Variants in SOX8 observed in about 807,000 individuals in gnomAD.
SOX8 encodes transcription factor SOX-8.
Under a neutral mutation model 22.9 loss-of-function variants are expected in SOX8, and 9 were observed. The ratio of observed to expected loss-of-function variants is 0.39; its 90% CI spans 0.24 to 0.69. SOX8 has a LOEUF of 0.69. SOX8 is among the 30% of genes least tolerant of loss of function. The probability of loss-of-function intolerance (pLI) is 0.43; values close to 1 mark genes in which losing one functional copy is unlikely to be tolerated. For synonymous variants in SOX8, 416 were observed against 330.6 expected (o/e 1.26, Z -2.80); for missense variants, 734 against 699.4 (o/e 1.05, Z -0.56).
Position 981,796 on chromosome 16 carries a change from G to GCGCTCAAAGCCAAGCCGCATGTGAA in SOX8, c.-127_-126insCGCTCAAAGCCAAGCCGCATGTGAA. On this transcript the variant is annotated 5_prime_UTR_variant, in exon 1 of 3. It adds an upstream start codon to the 5' untranslated region. Transcript: ENST00000293894. ...GGACCCGAGCCTCGGCGGCGGCGGC[G>GCGCTCAAAGCCAAGCCGCATGTGAA]GCGGCGGCAGGGGCGAGGGTCGGGG... The GCGCTCAAAGCCAAGCCGCATGTGAA allele has an allele frequency of 2.8e-6, 1 of 361,944 alleles. No individual in the cohort carries two copies. The highest frequency in any genetic ancestry group is 3.9e-6 in the Non-Finnish European group (1 of 258,040). 22.4% of individuals were successfully genotyped at this position (361,944 alleles called of 1,614,324 possible).
At position 983,815 on chromosome 16, in the gene SOX8, G is replaced by A. The variant is rs150444793; in HGVS notation, c.510G>A (p.Lys170=). The change falls in exon 2 of 3, where the codon AAG becomes AAA. Residue 170 remains lysine (K), a synonymous_variant. Transcript: ENST00000293894. The part of the protein sequence containing the change: ...VQHKKDHPDY[K]YQPRRRKSAK... ...ACAAGAAGGACCACCCCGACTACAA[G>A]TACCAGCCACGGCGCAGGAAGAGCG... 51 of 1,612,838 alleles carry A rather than the reference G, an allele frequency of 3.2e-5. No individual in the cohort carries two copies. Among genetic ancestry groups the A allele is most frequent in the Admixed American group, 1.0e-4 (6 of 60,020 alleles).
rs750230450 is a variant in SOX8, at chr16:982,039, C to T, written c.117C>T (p.Ser39=). Residue 39 remains serine, a synonymous_variant, in exon 1 of 3, where the codon TCC becomes TCT. Coordinates refer to ENST00000293894, the MANE Select transcript of SOX8 (RefSeq NM_014587.5). ...DSDAPPSPAG[S]EGLGRAGVAV... is the part of the protein sequence containing the mutation. ...ACGCGCCGCCGTCTCCCGCCGGCTCCGAGGGCCTGGGCCGCGCGGGGGTCG... is the reference window on the plus strand; with the variant it reads ...ACGCGCCGCCGTCTCCCGCCGGCTCTGAGGGCCTGGGCCGCGCGGGGGTCG... The T allele has an allele frequency of 4.4e-6, 6 of 1,367,530 alleles. No individual in the cohort carries two copies. The highest frequency in any genetic ancestry group is 5.6e-6 in the Non-Finnish European group (6 of 1,062,654). The allele number at this position is 1,367,530 out of a possible 1,614,324, so 84.7% of individuals were successfully genotyped here.
Position 984,819 on chromosome 16 carries a change from C to T in SOX8, c.774C>T (p.Asn258=), listed in dbSNP as rs1413303883. The change falls in exon 3 of 3, where the codon AAC becomes AAT. Residue 258 remains asparagine (N), a synonymous_variant. Transcript: ENST00000293894. ...GRRPVDSGRQ[N]IDFSNVDISE... ...GGCCGGTGGACAGCGGGCGCCAGAA[C>T]ATCGACTTCAGCAACGTGGACATCT... The T allele has an allele frequency of 2.5e-6, 4 of 1,612,166 alleles. No individual in the cohort carries two copies. Among genetic ancestry groups the T allele is most frequent in the Non-Finnish European group, 3.4e-6 (4 of 1,179,564 alleles).
chr16:982,566 C>T, intron 1 of SOX8: 1 of 444,512 alleles, frequency 2.2e-6, no homozygotes, highest in Admixed American at 4.5e-5. Flanking sequence ...CCGCGGAGGG[C>T]AGCGCCTGGG....
Position 983,856 on chromosome 16 carries a change from G to A in SOX8, c.551G>A (p.Ser184Asn). 1 of 1,612,588 alleles carries A rather than the reference G, an allele frequency of 6.2e-7. No individual in the cohort carries two copies. The highest frequency in any genetic ancestry group is 8.5e-7 in the Non-Finnish European group (1 of 1,179,702). ...RRRKSAKAGH[S>N]DSDSGAELGP... is the part of the protein sequence containing the mutation. ...AGGAAGAGCGCCAAAGCCGGCCACAGCGACTCCGACTCGGGCGCGGAGCTG... is the reference window on the plus strand; with the variant it reads ...AGGAAGAGCGCCAAAGCCGGCCACAACGACTCCGACTCGGGCGCGGAGCTG... Residue 184 changes from serine to asparagine, a missense_variant, in exon 2 of 3, where the codon AGC (serine) becomes AAC (asparagine). Transcript: ENST00000293894.
At position 985,099 on chromosome 16, in the gene SOX8, C is replaced by A. The variant is rs372787066; in HGVS notation, c.1054C>A (p.Pro352Thr). The change falls in exon 3 of 3, where the codon CCC (proline) becomes ACC (threonine). Residue 352 changes from proline to threonine, a missense_variant. By Grantham distance (38) the Pro-to-Thr change is conservative. Coordinates refer to ENST00000293894, the MANE Select transcript of SOX8 (RefSeq NM_014587.5). ...GAGCCCCGGCCACTACGGCGACCAG[C>A]CCCGAGGCTCGCCCGACTACGGTTC... The part of the protein sequence containing the change: ...QPSPGHYGDQ[P>T]RGSPDYGSCS... 3.0e-5 allele frequency: 48 copies of A among 1,592,352 alleles called. No individual in the cohort carries two copies. In the African/African-American group the frequency reaches 5.9e-4, roughly 20 times the overall value.
rs1001106016 is a variant in SOX8 at position 985,425 on chromosome 16, G to A, written c.*39G>A. The A allele has an allele frequency of 1.4e-6, 2 of 1,458,274 alleles. No homozygotes were observed. The highest frequency in any genetic ancestry group is 2.2e-5 in the Admixed American group (1 of 46,500). The allele number at this position is 1,458,274 out of a possible 1,614,324, so 90.3% of individuals were successfully genotyped here. A position where few individuals can be genotyped will look rare whatever the true frequency, so the allele number is the denominator to read the frequency against. On this transcript the variant is annotated 3_prime_UTR_variant, in exon 3 of 3. Coordinates refer to ENST00000293894, the MANE Select transcript of SOX8 (RefSeq NM_014587.5). Reference sequence around the variant, plus strand: ...GGGAGGGACTCGCAGGCGTCAGGGGGCAGCCTTGTCCCGGCCCAGTGTGTG... The same window carrying A: ...GGGAGGGACTCGCAGGCGTCAGGGGACAGCCTTGTCCCGGCCCAGTGTGTG...
At position 986,716 on chromosome 16, in the gene SOX8, C is replaced by T. The variant is rs772661126; in HGVS notation, c.*1330C>T. On this transcript the variant is annotated 3_prime_UTR_variant, in exon 3 of 3. Transcript: ENST00000293894. ...CCTTTAAACTTTGTAAACTTAAACA[C>T]AGCCGAGAAGTTGCTTCTTTGTACT... 5.3e-5 allele frequency: 8 copies of T among 151,858 alleles called. No individual in the cohort carries two copies. Among genetic ancestry groups the T allele is most frequent in the African/African-American group, 9.7e-5 (4 of 41,274 alleles). The allele number at this position is 151,858 out of a possible 1,614,324, so 9.4% of individuals were successfully genotyped here.
rs1388968870 is a variant in SOX8 at position 985,517 on chromosome 16, G to C, written c.*131G>C. 6 of 745,400 alleles carry C rather than the reference G, an allele frequency of 8.0e-6. No individual in the cohort carries two copies. The highest frequency in any genetic ancestry group is 1.2e-5 in the Non-Finnish European group (6 of 484,016). 46.2% of individuals were successfully genotyped at this position (745,400 alleles called of 1,614,324 possible). A position where few individuals can be genotyped will look rare whatever the true frequency, so the allele number is the denominator to read the frequency against. ...CCTGCTGAAGTCTGCAGGGAAACAC[G>C]CTTGCTGCCCGTGGCCCTCGGCCTC... On this transcript the variant is annotated 3_prime_UTR_variant, in exon 3 of 3. Coordinates refer to ENST00000293894, the MANE Select transcript of SOX8 (RefSeq NM_014587.5).
At chr16:984,023 G>T (rs2073432532) in intron 2 of SOX8, 63 bp downstream of exon 2, 2 of 1,352,404 alleles carry the variant, frequency 1.5e-6, no homozygotes, top group South Asian at 3.1e-5. Context: ...TGGGGTTTCT[G>T]GCTGAGAAGG....
chr16:981,985 C>A lies in SOX8; in HGVS notation c.63C>A (p.Ser21=). 2 of 1,449,210 alleles carry A rather than the reference C, an allele frequency of 1.4e-6. No homozygotes were observed. Among genetic ancestry groups the A allele is most frequent in the East Asian group, 3.0e-5 (1 of 32,840 alleles). The allele number at this position is 1,449,210 out of a possible 1,614,324, so 89.8% of individuals were successfully genotyped here. ...GCAGCCCGTCCGGCACCGCCAGCTCCATGTCGCACGTGGAGGACTCGGACT... is the reference window on the plus strand; with the variant it reads ...GCAGCCCGTCCGGCACCGCCAGCTCAATGTCGCACGTGGAGGACTCGGACT... ...PPCSPSGTAS[S]MSHVEDSDSD... Residue 21 remains serine, a synonymous_variant, in exon 1 of 3, where the codon TCC becomes TCA. Transcript: ENST00000293894.
Position 985,247 on chromosome 16 carries a change from G to C in SOX8, c.1202G>C (p.Gly401Ala). The change falls in exon 3 of 3, where the codon GGC becomes GCC. Residue 401 changes from glycine (G) to alanine (A), a missense_variant. Physicochemically the swap from Gly to Ala is moderately conservative, Grantham distance 60. This residue lies in a region of SOX8 where 588 missense variants were observed against 568.2 expected (regional missense o/e 1.03). Coordinates refer to ENST00000293894, the MANE Select transcript of SOX8 (RefSeq NM_014587.5). ...GGTGCCTACCCTGGCTACGCACCCG[G>C]CCTCTACCAGTACCCCTGCTTCCAC... ...YYGAYPGYAP[G>A]LYQYPCFHSP... The C allele has an allele frequency of 1.9e-6, 3 of 1,612,064 alleles. No individual in the cohort carries two copies. The highest frequency in any genetic ancestry group is 2.5e-6 in the Non-Finnish European group (3 of 1,179,608).
In SOX8 at chr16:985,291, G is replaced by C. The variant is rs201602067; in HGVS notation, c.1246G>C (p.Ala416Pro). ...CTTCCACTCGCCGCGCCGGCCCTAC[G>C]CCTCACCCCTGCTCAACGGCCTGGC... ...PCFHSPRRPY[A>P]SPLLNGLALP... Residue 416 changes from alanine to proline, a missense_variant, in exon 3 of 3, where the codon GCC (alanine) becomes CCC (proline). By Grantham distance (27) the Ala-to-Pro change is conservative (BLOSUM62 -1). Coordinates refer to ENST00000293894, the MANE Select transcript of SOX8 (RefSeq NM_014587.5). 2.5e-6 allele frequency: 4 copies of C among 1,610,380 alleles called. No homozygotes were observed. The highest frequency in any genetic ancestry group is 2.2e-5 in the East Asian group (1 of 44,868).
intron 1 of SOX8, 77 bp from the exon 2 acceptor site, chr16:983,651 G>A (rs1370958034): frequency 1.1e-5 from 15 of 1,374,068 alleles, no homozygotes; most frequent in Non-Finnish European, 1.4e-5. Flanking sequence ...TCTGCTGCCG[G>A]TTCCCCCTGT....
chr16:981,819 G>A lies in SOX8; in HGVS notation c.-104G>A. 1.7e-6 allele frequency: 1 copy of A among 576,922 alleles called. No homozygotes were observed. The highest frequency in any genetic ancestry group is 2.2e-6 in the Non-Finnish European group (1 of 449,506). The allele number at this position is 576,922 out of a possible 1,614,324, so 35.7% of individuals were successfully genotyped here. ...GCGGCGGCGGCAGGGGCGAGGGTCG[G>A]GGCCACCGCGCGGCGACCTCGGGTC... On this transcript the variant is annotated 5_prime_UTR_variant, in exon 1 of 3. Coordinates refer to ENST00000293894, the MANE Select transcript of SOX8 (RefSeq NM_014587.5).
chr16:984,485 C>T (rs534031431), intron 2 of SOX8, among the ~76,000 whole-genome samples: 12 of 152,322 alleles, frequency 7.9e-5, no homozygotes, highest in Admixed American at 2.0e-4. Context: ...GGAGGGGCCT[C>T]GGGTCTTCTC....
Position 981,824 on chromosome 16 carries a change from A to C in SOX8, c.-99A>C. On this transcript the variant is annotated 5_prime_UTR_variant, in exon 1 of 3. Transcript: ENST00000293894. ...GGCGGCAGGGGCGAGGGTCGGGGCC[A>C]CCGCGCGGCGACCTCGGGTCCCGGA... 1.6e-6 allele frequency: 1 copy of C among 623,122 alleles called. No homozygotes were observed. Among genetic ancestry groups the C allele is most frequent in the Non-Finnish European group, 2.0e-6 (1 of 492,298 alleles). 38.6% of individuals were successfully genotyped at this position (623,122 alleles called of 1,614,324 possible).
At position 981,951 on chromosome 16, in the gene SOX8, A is replaced by G; in HGVS notation, c.29A>G (p.Gln10Arg). Residue 10 changes from glutamine to arginine, a missense_variant, in exon 1 of 3, where the codon CAG (glutamine) becomes CGG (arginine). Gln to Arg is a conservative substitution (Grantham distance 43). Coordinates refer to ENST00000293894, the MANE Select transcript of SOX8 (RefSeq NM_014587.5). ...CTGGACATGAGCGAGGCCCGCTCCCAGCCGCCCTGCAGCCCGTCCGGCACC... is the reference window on the plus strand; with the variant it reads ...CTGGACATGAGCGAGGCCCGCTCCCGGCCGCCCTGCAGCCCGTCCGGCACC... Reference protein sequence around the residue: MLDMSEARSQPPCSPSGTAS... With the variant: MLDMSEARSRPPCSPSGTAS... The G allele has an allele frequency of 2.1e-6, 3 of 1,425,940 alleles. No homozygotes were observed. Among genetic ancestry groups the G allele is most frequent in the Non-Finnish European group, 2.8e-6 (3 of 1,088,200 alleles). 88.3% of individuals were successfully genotyped at this position (1,425,940 alleles called of 1,614,324 possible).
In SOX8 at chr16:986,132, G is replaced by A. The variant is rs939712138; in HGVS notation, c.*746G>A. On this transcript the variant is annotated 3_prime_UTR_variant, in exon 3 of 3. Transcript: ENST00000293894. ...GAATTTAAGACAAAACGGAAGCTGGGAAGCTTCCCTTGAGGGCAGGCAGGA... is the reference window on the plus strand; with the variant it reads ...GAATTTAAGACAAAACGGAAGCTGGAAAGCTTCCCTTGAGGGCAGGCAGGA... 3.3e-5 allele frequency: 5 copies of A among 152,244 alleles called. No individual in the cohort carries two copies. The highest frequency in any genetic ancestry group is 1.2e-4 in the African/African-American group (5 of 41,452). 9.4% of individuals were successfully genotyped at this position (152,244 alleles called of 1,614,324 possible).
Sources: allele counts gnomAD v4.1 joint callset (sites outside exome capture counted in the v4.1 genomes callset), GRCh38; gene constraint gnomAD v4.1.1; regional missense constraint gnomAD v4.1.1; transcripts MANE v1.5; gene names NCBI Gene and HGNC (gene_info 2026-07-23, HGNC 2026-07-21).